KDM4B: variants seen among roughly 807,000 people sequenced by gnomAD.
KDM4B encodes the protein lysine-specific demethylase 4B.
Under a neutral mutation model 125.2 loss-of-function variants are expected in KDM4B, and 32 were observed. The observed-to-expected ratio is 0.26, with a 90% CI of 0.19 to 0.34. The LOEUF (loss-of-function observed/expected upper bound fraction) is 0.34, where lower values mean the gene tolerates loss of function less well. KDM4B is among the 10% of genes least tolerant of loss of function. The pLI is 1.00. For synonymous variants in KDM4B, 721 were observed against 677.9 expected, an observed-to-expected ratio of 1.06 and a Z score of -0.99; for missense variants, 1,190 against 1,577.7, an observed-to-expected ratio of 0.75 and a Z score of 4.16.
At chr19:5,087,652 C>G (rs1359197634) in intron 9 of KDM4B, among the ~76,000 whole-genome samples, 1 of 152,238 alleles carries the variant, frequency 6.6e-6, no homozygotes, top group Non-Finnish European at 1.5e-5. Flanking sequence ...TCTCCCCTCT[C>G]CTGCTGAGGG....
At chr19:5,032,491 G>A (rs371369122) in intron 2 of KDM4B, among the ~76,000 whole-genome samples, 17 of 152,208 alleles carry the variant, frequency 1.1e-4, no homozygotes, top group Admixed American at 9.8e-4. Flanking sequence ...GCGGTCTCTC[G>A]TGCGGATCAG....
At chr19:4,983,220 G>T (rs7256845) in intron 1 of KDM4B, among the ~76,000 whole-genome samples, 12,205 of 151,168 alleles carry the variant, frequency 0.081, 1,528 homozygotes, top group African/African-American at 0.26. Flanking sequence ...ATCATTTGGG[G>T]AGGGCCCTGG....
At chr19:5,038,687 C>T (rs1187429953) in intron 3 of KDM4B, among the ~76,000 whole-genome samples, 9 of 152,228 alleles carry the variant, frequency 5.9e-5, no homozygotes, top group Non-Finnish European at 1.3e-4. Flanking sequence ...CAGGGTGCCC[C>T]GGGCTGTGTT....
rs1044030927 is a variant in KDM4B at position 5,084,383 on chromosome 19, ATATT to A, written c.918+1883_918+1886del. On this transcript the variant is annotated intron_variant, in intron 9 of 22. Coordinates refer to ENST00000159111, the MANE Select transcript of KDM4B (RefSeq NM_015015.3). ...ATATTGTATATAATTTATATATTGT[ATATT>A]TATATAAAATAAATTATATAAATTA... Among the ~76,000 whole-genome samples the A allele has an allele frequency of 3.2e-4, 46 of 143,798 alleles. 1 individual carries two copies. The highest frequency in any genetic ancestry group is 2.4e-4 in the Non-Finnish European group (16 of 66,228). The allele number at this position is 143,798 out of a possible 152,430, so 94.3% of individuals were successfully genotyped here. A position where few individuals can be genotyped will look rare whatever the true frequency, so the allele number is the denominator to read the frequency against.
Position 4,978,900 on chromosome 19 carries a change from C to T in KDM4B, c.-109+9670C>T, listed in dbSNP as rs527772299. ...CCGCGTGAGAGTTGTCAAGTTCATG[C>T]GTGCCTGGTCAGGGGCGCAGGGTGG... On this transcript the variant is annotated intron_variant, in intron 1 of 22. Transcript: ENST00000159111. 8.9e-4 allele frequency among the ~76,000 whole-genome samples: 136 copies of T among 152,278 alleles called. 1 individual carries two copies. Among genetic ancestry groups the T allele is most frequent in the African/African-American group, 2.6e-3 (110 of 41,548 alleles).
In KDM4B at chr19:5,122,801, G is replaced by A. The variant is rs140899377; in HGVS notation, c.1315+2949G>A. Among the ~76,000 whole-genome samples, 9 of 152,354 alleles carry A rather than the reference G, an allele frequency of 5.9e-5. No homozygotes were observed. In the East Asian group the frequency reaches 7.7e-4, roughly 13 times the overall value. On this transcript the variant is annotated intron_variant, in intron 11 of 22. Transcript: ENST00000159111. ...ATGAGCCCAGCCTGCTCTGGGAAGC[G>A]CTGCAGACACGCTGCTGTGTGCTCC... is the stretch of plus-strand genomic sequence containing the variant.
Position 5,000,395 on chromosome 19 carries a change from G to T in KDM4B, c.-108-15862G>T, listed in dbSNP as rs188262043. On this transcript the variant is annotated intron_variant, in intron 1 of 22. Coordinates refer to ENST00000159111, the MANE Select transcript of KDM4B (RefSeq NM_015015.3). ...TGTTCATTCACCTATCCATCCATCT[G>T]TCTGTCCATCCATCCATCCATCCGT... Among the ~76,000 whole-genome samples, 342 of 132,756 alleles carry T rather than the reference G, an allele frequency of 2.6e-3. 1 individual carries two copies. The highest frequency in any genetic ancestry group is 0.013 in the African/African-American group (326 of 24,914). 87.1% of individuals were successfully genotyped at this position (132,756 alleles called of 152,430 possible).
At chr19:5,123,982 G>A (rs2039406991) in intron 11 of KDM4B, among the ~76,000 whole-genome samples, 1 of 151,838 alleles carries the variant, frequency 6.6e-6, no homozygotes, top group Admixed American at 6.6e-5. Context: ...CCCACAGGAT[G>A]GGCTGGCAGG....
At chr19:4,988,373 T>A (rs1300153102) in intron 1 of KDM4B, among the ~76,000 whole-genome samples, 1 of 152,196 alleles carries the variant, frequency 6.6e-6, no homozygotes, top group African/African-American at 2.4e-5. Context: ...CCTCCTGGGT[T>A]CACGCCATTC....
At chr19:4,989,814 G>A (rs1033796466) in intron 1 of KDM4B, among the ~76,000 whole-genome samples, 2 of 152,166 alleles carry the variant, frequency 1.3e-5, no homozygotes, top group East Asian at 3.9e-4. Context: ...CACTGTGCCC[G>A]GCTAATTTTT....
chr19:5,056,765 G>A (rs957467471), intron 6 of KDM4B, among the ~76,000 whole-genome samples: 2 of 152,072 alleles, frequency 1.3e-5, no homozygotes, highest in African/African-American at 2.4e-5. Context: ...AGACCCTCAC[G>A]GCAGCAGCAC....
intron 9 of KDM4B, among the ~76,000 whole-genome samples, chr19:5,101,998 C>T (rs950352598): frequency 5.3e-5 from 8 of 152,124 alleles, no homozygotes; most frequent in African/African-American, 1.4e-4. Flanking sequence ...GAGGGGCAGG[C>T]GGCCGCCAGG....
intron 2 of KDM4B, among the ~76,000 whole-genome samples, chr19:5,020,693 A>G (rs1239472828): frequency 6.6e-6 from 1 of 152,188 alleles, no homozygotes; most frequent in Non-Finnish European, 1.5e-5. Flanking sequence ...CTGTTGGCTT[A>G]TTTGAGTATT....
At chr19:5,009,117 G>A (rs2035654020) in intron 1 of KDM4B, among the ~76,000 whole-genome samples, 1 of 151,374 alleles carries the variant, frequency 6.6e-6, no homozygotes. Flanking sequence ...GTTTTGCCAT[G>A]TTGGTGAGGC....
Position 5,131,985 on chromosome 19 carries a change from G to A in KDM4B, c.1884G>A (p.Lys628=), listed in dbSNP as rs1169389678. The change falls in exon 13 of 23, where the codon AAG becomes AAA. Residue 628 remains lysine, a synonymous_variant. Coordinates refer to ENST00000159111, the MANE Select transcript of KDM4B (RefSeq NM_015015.3). ...CCCGGTCCCCACTGTCGGTGGTGAA[G>A]CAGGAGGCCTCAAGTGACGAGGGTG... The part of the protein sequence containing the change: ...PPTRSPLSVV[K]QEASSDEEAS... 4 of 1,610,316 alleles carry A rather than the reference G, an allele frequency of 2.5e-6. No homozygotes were observed. The highest frequency in any genetic ancestry group is 1.1e-5 in the South Asian group (1 of 90,726).
chr19:5,117,319 G>A (rs1185998717), intron 10 of KDM4B, among the ~76,000 whole-genome samples: 1 of 151,970 alleles, frequency 6.6e-6, no homozygotes, highest in Non-Finnish European at 1.5e-5. Flanking sequence ...TGAGTTTTCA[G>A]GGTGGGGGTG....
intron 3 of KDM4B, 78 bp downstream of exon 3, chr19:5,033,109 A>T (rs1474985559): frequency 1.3e-6 from 2 of 1,541,426 alleles, no homozygotes; most frequent in Non-Finnish European, 8.9e-7. Flanking sequence ...GTCCCAGCTC[A>T]GCCAGCCCCA....
In KDM4B at chr19:5,142,422, C is replaced by A. The variant is rs1411705699; in HGVS notation, c.2551-1545C>A. Among the ~76,000 whole-genome samples, 1 of 152,208 alleles carries A rather than the reference C, an allele frequency of 6.6e-6. No individual in the cohort carries two copies. The highest frequency in any genetic ancestry group is 1.5e-5 in the Non-Finnish European group (1 of 68,030). ...CTCTGGGCAACCTCGGCCCCAGGCA[C>A]AGCTCCTGACAAATGGTCCCATGGG... On this transcript the variant is annotated intron_variant, in intron 18 of 22. Transcript: ENST00000159111. This position sits in a 1 kb window ranked among gnomAD's most constrained non-coding sequence, Gnocchi z 5.4.
chr19:5,000,233 C>T (rs562427763), intron 1 of KDM4B, among the ~76,000 whole-genome samples: 24 of 133,842 alleles, frequency 1.8e-4, no homozygotes, highest in African/African-American at 6.9e-4. Context: ...ATCCACCCAC[C>T]TATCCATCCA....
Sources: allele counts gnomAD v4.1 joint callset (sites outside exome capture counted in the v4.1 genomes callset), GRCh38; gene constraint gnomAD v4.1.1; non-coding constraint Gnocchi (gnomAD v3.1); transcripts MANE v1.5; gene names NCBI Gene and HGNC (gene_info 2026-07-23, HGNC 2026-07-21).